The following NKAIN2 variants were observed in gnomAD, a reference collection of about 807,000 sequenced individuals.
The protein encoded by NKAIN2 is sodium/potassium transporting ATPase interacting 2, also known as sodium/potassium-transporting ATPase subunit beta-1-interacting protein 2.
In NKAIN2, 14 loss-of-function variants were observed where a neutral mutation model predicts 32.6. The ratio of observed to expected loss-of-function variants is 0.43; its 90% CI spans 0.28 to 0.67. NKAIN2 has a LOEUF of 0.67. Ranked by LOEUF, NKAIN2 falls within the 30% of genes least tolerant of loss-of-function variation. NKAIN2 has a pLI of 0.17. For synonymous variants in NKAIN2, 80 were observed against 87.2 expected, an observed-to-expected ratio of 0.92 and a Z score of 0.46; for missense variants, 198 against 258.3, an observed-to-expected ratio of 0.77 and a Z score of 1.60.
intron 6 of NKAIN2, among the ~76,000 whole-genome samples, chr6:124,819,912 C>A (rs556987299): frequency 6.6e-6 from 1 of 152,188 alleles, no homozygotes; most frequent in Non-Finnish European, 1.5e-5. Flanking sequence ...TTGCCTTATC[C>A]AAATATGATA....
chr6:124,559,889 G>A (rs1780625758), intron 3 of NKAIN2, among the ~76,000 whole-genome samples: 1 of 119,690 alleles, frequency 8.4e-6, no homozygotes, highest in Admixed American at 1.2e-4. Context: ...TCATGAGATG[G>A]TTCACTTCCA....
intron 1 of NKAIN2, among the ~76,000 whole-genome samples, chr6:124,242,486 T>G (rs1463750851): frequency 1.3e-5 from 2 of 152,122 alleles, no homozygotes; most frequent in Admixed American, 6.6e-5. Context: ...GACAGTATGG[T>G]GATTCCTCAA....
intron 1 of NKAIN2, among the ~76,000 whole-genome samples, chr6:123,983,425 A>G (rs1778989739): frequency 6.6e-6 from 1 of 152,226 alleles, no homozygotes; most frequent in Non-Finnish European, 1.5e-5. Context: ...GTGCCCTTCC[A>G]GCCATACAAT....
intron 3 of NKAIN2, 143 bp downstream of exon 3, chr6:124,355,490 C>T: frequency 1.7e-6 from 1 of 584,332 alleles, no homozygotes; most frequent in Non-Finnish European, 3.1e-6. Context: ...TATATTTCTG[C>T]ATTTTTATCA....
At chr6:124,190,228 T>C (rs534303674) in intron 1 of NKAIN2, among the ~76,000 whole-genome samples, 99 of 152,362 alleles carry the variant, frequency 6.5e-4, no homozygotes, top group Non-Finnish European at 1.2e-3. Flanking sequence ...TCTTTACTTG[T>C]AGAGTAGGTT....
intron 2 of NKAIN2, among the ~76,000 whole-genome samples, chr6:124,306,970 A>T (rs1187032393): frequency 6.6e-6 from 1 of 152,182 alleles, no homozygotes; most frequent in Non-Finnish European, 1.5e-5. Context: ...TAGTGTTGCA[A>T]CTTGCATTTA....
intron 1 of NKAIN2, among the ~76,000 whole-genome samples, chr6:123,952,230 C>T (rs1270668191): frequency 6.6e-6 from 1 of 152,050 alleles, no homozygotes; most frequent in African/African-American, 2.4e-5. Flanking sequence ...TCATTCTCTC[C>T]TGGCCTGTAG....
Position 124,507,167 on chromosome 6 carries a change from T to C in NKAIN2, c.274-151019T>C, listed in dbSNP as rs139892911. 1.9e-3 allele frequency among the ~76,000 whole-genome samples: 284 copies of C among 152,358 alleles called. 1 individual carries two copies. Among genetic ancestry groups the C allele is most frequent in the African/African-American group, 6.5e-3 (271 of 41,596 alleles). On this transcript the variant is annotated intron_variant, in intron 3 of 6. Coordinates refer to ENST00000368417, the MANE Select transcript of NKAIN2 (RefSeq NM_001040214.3). ...ACTTTGGGAAGGTTTTACTGACTTT[T>C]ATTTGTACCAGCAAAGTACGCGAGG...
chr6:124,715,409 C>T (rs1775703222), intron 4 of NKAIN2, among the ~76,000 whole-genome samples: 1 of 152,164 alleles, frequency 6.6e-6, no homozygotes, highest in Admixed American at 6.5e-5. Context: ...GTCCCCTTCT[C>T]CTCTCCCCTC....
intron 1 of NKAIN2, among the ~76,000 whole-genome samples, chr6:123,910,398 ACTTTT>A (rs919842893): frequency 3.3e-5 from 5 of 150,932 alleles, no homozygotes; most frequent in East Asian, 1.9e-4. Flanking sequence ...ATTAATACTG[ACTTTT>A]CTTTTAAGTA....
intron 1 of NKAIN2, among the ~76,000 whole-genome samples, chr6:124,084,212 G>T (rs1381903505): frequency 6.6e-6 from 1 of 151,902 alleles, no homozygotes; most frequent in Non-Finnish European, 1.5e-5. Flanking sequence ...TTGTATCTCA[G>T]GCCAGAACAG....
chr6:124,053,182 T>C (rs1481818531), intron 1 of NKAIN2, among the ~76,000 whole-genome samples: 2 of 152,004 alleles, frequency 1.3e-5, no homozygotes, highest in Admixed American at 1.3e-4. Flanking sequence ...GCACAGATTA[T>C]TTCATCACCC....
chr6:123,886,017 C>T (rs74508013), intron 1 of NKAIN2, among the ~76,000 whole-genome samples: 2 of 149,788 alleles, frequency 1.3e-5, no homozygotes, highest in African/African-American at 2.4e-5. Flanking sequence ...AGGCAGTACA[C>T]ATGGTTAATA....
At chr6:124,808,277 T>G (rs1230549644) in intron 5 of NKAIN2, among the ~76,000 whole-genome samples, 1 of 151,350 alleles carries the variant, frequency 6.6e-6, no homozygotes, top group African/African-American at 2.4e-5. Context: ...ATCAAAAAGC[T>G]TATCCACCAT....
intron 1 of NKAIN2, among the ~76,000 whole-genome samples, chr6:124,201,486 A>T (rs1790583939): frequency 6.6e-6 from 1 of 152,014 alleles, no homozygotes; most frequent in African/African-American, 2.4e-5. Context: ...TTGAACTATA[A>T]TTTTAAAATG....
intron 1 of NKAIN2, among the ~76,000 whole-genome samples, chr6:124,011,082 C>T (rs551838436): frequency 2.0e-5 from 3 of 152,136 alleles, no homozygotes; most frequent in African/African-American, 7.2e-5. Context: ...TAGAAGATGC[C>T]CTTACTCTAT....
intron 1 of NKAIN2, among the ~76,000 whole-genome samples, chr6:124,186,966 AT>A (rs10717057): frequency 0.71 from 107,665 of 151,858 alleles, 38,323 homozygotes; most frequent in Non-Finnish European, 0.74. Flanking sequence ...AGTACTGATG[AT>A]TTTTTTTAAA....
At chr6:124,690,425 C>A (rs1774201165) in intron 4 of NKAIN2, among the ~76,000 whole-genome samples, 1 of 152,024 alleles carries the variant, frequency 6.6e-6, no homozygotes, top group Admixed American at 6.6e-5. Flanking sequence ...ATCAGCATAC[C>A]TTCAGTTTCC....
Position 123,872,542 on chromosome 6 carries a change from A to T in NKAIN2, c.54+68288A>T, listed in dbSNP as rs1370588314. On this transcript the variant is annotated intron_variant, in intron 1 of 6. Coordinates refer to ENST00000368417, the MANE Select transcript of NKAIN2 (RefSeq NM_001040214.3). ...GAAGGCACAGCAGGTACTGGTGTTC[A>T]TGATGATGGTTGAGGAATTTGAGGA... 2.0e-5 allele frequency among the ~76,000 whole-genome samples: 3 copies of T among 152,226 alleles called. No homozygotes were observed. In the East Asian group the frequency reaches 5.8e-4, roughly 29 times the overall value.
Sources: gnomAD v4.1 joint callset for allele counts (sites outside exome capture counted in the v4.1 genomes callset) on GRCh38, gnomAD v4.1.1 for gene constraint, MANE v1.5 for transcripts, NCBI Gene and HGNC (gene_info 2026-07-23, HGNC 2026-07-21) for gene names.